Variants in RORA observed in about 807,000 individuals in gnomAD.
RORA encodes RAR related orphan receptor A.
Under a neutral mutation model 69.5 loss-of-function variants are expected in RORA, and 7 were observed. The ratio of observed to expected loss-of-function variants is 0.10; its 90% CI spans 0.06 to 0.19. The LOEUF is 0.19. Ranked by LOEUF, RORA falls within the 10% of genes least tolerant of loss-of-function variation. The pLI, the probability that RORA is intolerant of heterozygous loss-of-function variation, is 1.00. For synonymous variants in RORA, 261 were observed against 240.8 expected (o/e 1.08, Z -0.78); for missense variants, 457 against 663.0 (o/e 0.69, Z 3.41).
intron 2 of RORA, chr15:60,592,499 C>G: frequency 1.5e-6 from 2 of 1,330,368 alleles, no homozygotes; most frequent in Non-Finnish European, 9.6e-7. Flanking sequence ...CCGCCGCCGC[C>G]CGAGCCACAG....
chr15:60,886,698 A>G (rs1008798520), intron 1 of RORA, among the ~76,000 whole-genome samples: 3 of 152,240 alleles, frequency 2.0e-5, no homozygotes, highest in Non-Finnish European at 4.4e-5. Context: ...AACAATTGTA[A>G]GGATGATGAA....
chr15:60,925,122 A>T lies in RORA; in HGVS notation c.167-246436T>A, dbSNP rs1892172693. The stretch of plus-strand genomic sequence containing the variant: ...AAAATAAAATAAAATAAAATAAAAT[A>T]AAATAAAATAAAATAAAATAAAGGT... On this transcript the variant is annotated intron_variant, in intron 1 of 10. Transcript: ENST00000335670. Among the ~76,000 whole-genome samples the T allele has an allele frequency of 2.0e-5, 3 of 151,088 alleles. 1 individual carries two copies. The Middle Eastern group carries it at 0.01, about 514-fold the overall frequency.
At chr15:60,630,888 C>CTTTTTTTTTTTTTTTTT (rs542275787) in intron 2 of RORA, among the ~76,000 whole-genome samples, 1 of 109,894 alleles carries the variant, frequency 9.1e-6, no homozygotes, top group Non-Finnish European at 1.7e-5. Flanking sequence ...ATGAGACTTT[C>CTTTTTTTTTTTTTTTTT]TTTTTTTTTT....
chr15:60,517,315 C>G (rs1460289909), intron 3 of RORA, among the ~76,000 whole-genome samples: 1 of 152,028 alleles, frequency 6.6e-6, no homozygotes, highest in Non-Finnish European at 1.5e-5. Context: ...TTGCTTTCAG[C>G]CAAGGTGCTT....
At chr15:61,163,502 C>A (rs1331798211) in intron 1 of RORA, among the ~76,000 whole-genome samples, 1 of 152,162 alleles carries the variant, frequency 6.6e-6, no homozygotes, top group Non-Finnish European at 1.5e-5. Flanking sequence ...ACACCACCAG[C>A]AGCCAACACA....
At chr15:60,697,174 C>G (rs993617092) in intron 1 of RORA, among the ~76,000 whole-genome samples, 2 of 152,172 alleles carry the variant, frequency 1.3e-5, no homozygotes, top group Non-Finnish European at 2.9e-5. Flanking sequence ...CTTTCATGAA[C>G]TAAAAGCAAC....
At chr15:60,569,011 A>G (rs914073632) in intron 2 of RORA, among the ~76,000 whole-genome samples, 2 of 151,630 alleles carry the variant, frequency 1.3e-5, no homozygotes, top group African/African-American at 4.8e-5. Flanking sequence ...TGACAATACA[A>G]TTTACAAAAG....
intron 1 of RORA, among the ~76,000 whole-genome samples, chr15:61,005,413 G>C (rs1304885884): frequency 2.0e-5 from 3 of 152,190 alleles, no homozygotes; most frequent in Admixed American, 1.3e-4. Flanking sequence ...CTGGAAAGTG[G>C]AGGCTGCGGT....
At chr15:60,892,397 T>C (rs183616437) in intron 1 of RORA, among the ~76,000 whole-genome samples, 2 of 152,312 alleles carry the variant, frequency 1.3e-5, no homozygotes, top group African/African-American at 2.4e-5. Flanking sequence ...AAGGAGCCAG[T>C]GAAGAAAAAC....
intron 1 of RORA, among the ~76,000 whole-genome samples, chr15:60,996,527 T>C (rs975672461): frequency 6.6e-6 from 1 of 152,218 alleles, no homozygotes; most frequent in Non-Finnish European, 1.5e-5. Context: ...CATTGAGGTC[T>C]ACACCAGTAC....
At position 60,652,843 on chromosome 15, in the gene RORA, C is replaced by A. The variant is rs2070164520; in HGVS notation, c.196+25814G>T. On this transcript the variant is annotated intron_variant, in intron 2 of 10. Coordinates refer to ENST00000335670, the MANE Select transcript of RORA (RefSeq NM_134261.3). ...CAAATAGGTCCATTTTTAGAAAAAT[C>A]AAAATGCTCAATGCTGGTGCTTGCT... Among the ~76,000 whole-genome samples, 7 of 152,304 alleles carry A rather than the reference C, an allele frequency of 4.6e-5. 2 individuals carry two copies. In the South Asian group the frequency reaches 1.4e-3, roughly 32 times the overall value.
At chr15:60,768,692 A>G (rs1190793764) in intron 1 of RORA, among the ~76,000 whole-genome samples, 1 of 152,222 alleles carries the variant, frequency 6.6e-6, no homozygotes, top group African/African-American at 2.4e-5. Context: ...ATAAGTGGTA[A>G]AATTAAGAGC....
At chr15:60,801,215 G>T (rs938266910) in intron 1 of RORA, among the ~76,000 whole-genome samples, 1 of 152,168 alleles carries the variant, frequency 6.6e-6, no homozygotes, top group South Asian at 2.1e-4. Flanking sequence ...GTGAACTTGG[G>T]TGGAAAGGTT....
intron 1 of RORA, among the ~76,000 whole-genome samples, chr15:60,925,098 A>C (rs1010309781): frequency 2.4e-5 from 1 of 41,076 alleles, no homozygotes; most frequent in Non-Finnish European, 5.9e-5. Context: ...TAAATTAATA[A>C]AATAAAATAA....
intron 2 of RORA, among the ~76,000 whole-genome samples, chr15:60,670,595 C>T (rs1400202489): frequency 2.0e-5 from 3 of 152,076 alleles, no homozygotes; most frequent in Non-Finnish European, 2.9e-5. Context: ...AGGAGACATA[C>T]AAAATCAAGA....
At chr15:60,733,155 A>G (rs540750264) in intron 1 of RORA, among the ~76,000 whole-genome samples, 1 of 152,290 alleles carries the variant, frequency 6.6e-6, no homozygotes, top group East Asian at 1.9e-4. Context: ...AAATTTGGAA[A>G]TGGAGGTAAA....
chr15:60,963,515 T>G (rs1234316374), intron 1 of RORA, among the ~76,000 whole-genome samples: 1 of 152,202 alleles, frequency 6.6e-6, no homozygotes, highest in African/African-American at 2.4e-5. Flanking sequence ...GTGGAAAGGA[T>G]GCTGGCATTA....
intron 1 of RORA, among the ~76,000 whole-genome samples, chr15:60,995,368 C>T (rs777525939): frequency 3.3e-5 from 5 of 152,164 alleles, no homozygotes; most frequent in Non-Finnish European, 5.9e-5. Context: ...AAATGATTCT[C>T]GGCCAGCGCG....
intron 1 of RORA, among the ~76,000 whole-genome samples, chr15:60,897,847 TGATGGAATAGGA>T (rs1891271402): frequency 6.6e-6 from 1 of 152,186 alleles, no homozygotes; most frequent in South Asian, 2.1e-4. Context: ...AGCACCAAAG[TGATGGAATAGGA>T]CAAAGAAAAA....
Sources: allele counts gnomAD v4.1 joint callset (sites outside exome capture counted in the v4.1 genomes callset), GRCh38; gene constraint gnomAD v4.1.1; transcripts MANE v1.5; gene names NCBI Gene and HGNC (gene_info 2026-07-23, HGNC 2026-07-21).